DGKB: variants seen among roughly 807,000 people sequenced by gnomAD.
DGKB encodes 90 kDa diacylglycerol kinase.
In DGKB, 67 loss-of-function variants were observed where a neutral mutation model predicts 114.3. The observed-to-expected ratio is 0.59, with a 90% confidence interval of 0.48 to 0.72. DGKB has a LOEUF of 0.72. DGKB is among the 30% of genes least tolerant of loss of function. The pLI is 0.00. For missense variants in DGKB, 907 were observed against 975.2 expected, an observed-to-expected ratio of 0.93 and a Z score of 0.93; for synonymous variants, 398 against 323.1, an observed-to-expected ratio of 1.23 and a Z score of -2.49.
intron 21 of DGKB, among the ~76,000 whole-genome samples, chr7:14,397,119 T>G (rs904874150): frequency 6.6e-6 from 1 of 152,116 alleles, no homozygotes; most frequent in Admixed American, 6.6e-5. Context: ...ACATGTTTTC[T>G]CGCAATTTTA....
At chr7:14,765,086 T>C (rs1399148642) in intron 2 of DGKB, among the ~76,000 whole-genome samples, 1 of 152,024 alleles carries the variant, frequency 6.6e-6, no homozygotes, top group Non-Finnish European at 1.5e-5. Flanking sequence ...ATAACAGCCA[T>C]ATTGTAGCAG....
Position 14,392,995 on chromosome 7 carries a change from G to GTTTTTTTGTTTTTTT in DGKB, c.1836-47605_1836-47604insAAAAAAACAAAAAAA, listed in dbSNP as rs1554404750. Among the ~76,000 whole-genome samples, 6 of 60,548 alleles carry GTTTTTTTGTTTTTTT rather than the reference G, an allele frequency of 9.9e-5. 1 individual carries two copies. The South Asian group carries it at 3.3e-3, about 33-fold the overall frequency. The allele number at this position is 60,548 out of a possible 152,430, so 39.7% of individuals were successfully genotyped here. A position where few individuals can be genotyped will look rare whatever the true frequency, so the allele number is the denominator to read the frequency against. ...CAAAACAGACCTGTTTTTTGTTTTTGTTTTTTTTTTTTTGAGACGGAGTCT... is the reference window on the plus strand; with the variant it reads ...CAAAACAGACCTGTTTTTTGTTTTTGTTTTTTTGTTTTTTTTTTTTTTTTTTTTGAGACGGAGTCT... On this transcript the variant is annotated intron_variant, in intron 21 of 25. Coordinates refer to ENST00000402815, the MANE Select transcript of DGKB (RefSeq NM_001350709.2).
At position 14,552,019 on chromosome 7, in the gene DGKB, T is replaced by C. The variant is rs747259684; in HGVS notation, c.1770+22193A>G. Among the ~76,000 whole-genome samples the C allele has an allele frequency of 7.9e-5, 12 of 152,138 alleles. No homozygotes were observed. The South Asian group carries it at 8.3e-4, about 10-fold the overall frequency. On this transcript the variant is annotated intron_variant, in intron 20 of 25. Coordinates refer to ENST00000402815, the MANE Select transcript of DGKB (RefSeq NM_001350709.2). Reference sequence around the variant, plus strand: ...GTCACTAACATATGACCTAAAAATCTTTTGTATCTCTTTTTGGAGGGCTAA... The same window carrying C: ...GTCACTAACATATGACCTAAAAATCCTTTGTATCTCTTTTTGGAGGGCTAA...
chr7:14,640,076 T>G (rs912513135), intron 13 of DGKB, among the ~76,000 whole-genome samples: 50 of 152,316 alleles, frequency 3.3e-4, no homozygotes, highest in African/African-American at 1.2e-3. Context: ...CAAACAGCCC[T>G]TTCACTGGAA....
At chr7:14,918,167 T>A (rs1784331829) in intron 1 of DGKB, among the ~76,000 whole-genome samples, 1 of 152,144 alleles carries the variant, frequency 6.6e-6, no homozygotes, top group Admixed American at 6.5e-5. Context: ...AGAAAATAAG[T>A]GCTTATTTCT....
At chr7:14,160,635 T>C (rs962132819) in intron 25 of DGKB, among the ~76,000 whole-genome samples, 1 of 152,100 alleles carries the variant, frequency 6.6e-6, no homozygotes, top group Non-Finnish European at 1.5e-5. Flanking sequence ...AGGATACAAA[T>C]GGAAAAACAT....
intron 23 of DGKB, among the ~76,000 whole-genome samples, chr7:14,246,595 G>T (rs560719579): frequency 6.6e-6 from 1 of 152,064 alleles, no homozygotes; most frequent in Non-Finnish European, 1.5e-5. Context: ...ACTCAATTTT[G>T]TTGTTGTTGT....
chr7:14,295,328 T>G (rs1475101472), intron 23 of DGKB, among the ~76,000 whole-genome samples: 1 of 152,184 alleles, frequency 6.6e-6, no homozygotes, highest in Non-Finnish European at 1.5e-5. Context: ...TAAATGTTTA[T>G]TCAATCAGAG....
intron 2 of DGKB, among the ~76,000 whole-genome samples, chr7:14,840,064 T>G (rs967276128): frequency 6.6e-6 from 1 of 152,222 alleles, no homozygotes; most frequent in Non-Finnish European, 1.5e-5. Flanking sequence ...TCTATCTTCA[T>G]GTTCTAAGTC....
intron 23 of DGKB, among the ~76,000 whole-genome samples, chr7:14,313,762 A>G (rs1163416671): frequency 6.6e-6 from 1 of 152,164 alleles, no homozygotes; most frequent in Non-Finnish European, 1.5e-5. Context: ...TGGAAGCTCC[A>G]ACTGGGTGGA....
intron 1 of DGKB, among the ~76,000 whole-genome samples, chr7:14,919,127 G>A (rs1784399315): frequency 1.0e-5 from 1 of 97,952 alleles, no homozygotes; most frequent in African/African-American, 5.6e-5. Context: ...CACACACAAA[G>A]TTTATATGGA....
chr7:14,924,343 G>A (rs566441050), intron 1 of DGKB, among the ~76,000 whole-genome samples: 2 of 152,116 alleles, frequency 1.3e-5, no homozygotes, highest in East Asian at 1.9e-4. Context: ...ATTTTCTTTG[G>A]TATTTTCTAA....
intron 23 of DGKB, among the ~76,000 whole-genome samples, chr7:14,276,234 GC>G (rs1282517166): frequency 5.3e-5 from 8 of 152,064 alleles, no homozygotes; most frequent in Non-Finnish European, 7.4e-5. Flanking sequence ...CTAAAAAAAG[GC>G]AAGTAAATCT....
chr7:14,813,764 C>G (rs924913225), intron 2 of DGKB, among the ~76,000 whole-genome samples: 1 of 151,962 alleles, frequency 6.6e-6, no homozygotes, highest in African/African-American at 2.4e-5. Context: ...ATCTTTTACT[C>G]TAGTGATTTT....
At chr7:14,295,643 G>C (rs943700028) in intron 23 of DGKB, among the ~76,000 whole-genome samples, 1 of 151,696 alleles carries the variant, frequency 6.6e-6, no homozygotes, top group Admixed American at 6.6e-5. Context: ...GCATACTCTT[G>C]CTTTCCAGTA....
chr7:14,499,717 C>A (rs939110943), intron 20 of DGKB, among the ~76,000 whole-genome samples: 3 of 151,746 alleles, frequency 2.0e-5, no homozygotes, highest in African/African-American at 4.8e-5. Flanking sequence ...TAGTACATAA[C>A]CTTTATACTA....
chr7:14,467,407 A>G (rs1002445054), intron 21 of DGKB, among the ~76,000 whole-genome samples: 2 of 151,008 alleles, frequency 1.3e-5, no homozygotes, highest in South Asian at 4.1e-4. Context: ...ACTAAATACA[A>G]CTTATGTTTT....
At chr7:14,380,947 T>C (rs892574864) in intron 21 of DGKB, among the ~76,000 whole-genome samples, 1 of 152,314 alleles carries the variant, frequency 6.6e-6, no homozygotes, top group East Asian at 1.9e-4. Context: ...AACTTTAAAA[T>C]AGGAAGATTA....
intron 20 of DGKB, among the ~76,000 whole-genome samples, chr7:14,561,864 AGAAATCT>A (rs1375668718): frequency 6.6e-6 from 1 of 152,258 alleles, no homozygotes; most frequent in African/African-American, 2.4e-5. Context: ...AGCCTGCTGC[AGAAATCT>A]GCATAAGTAA....
Sources: gnomAD v4.1 joint callset for allele counts (sites outside exome capture counted in the v4.1 genomes callset) on GRCh38, gnomAD v4.1.1 for gene constraint, MANE v1.5 for transcripts, NCBI Gene and HGNC (gene_info 2026-07-23, HGNC 2026-07-21) for gene names.